Variants in MYO1D observed in about 807,000 individuals in gnomAD.
MYO1D encodes the protein myosin ID.
MYO1D carries 83 observed loss-of-function variants against 122.0 expected under a neutral mutation model. The observed-to-expected ratio is 0.68, with a 90% CI of 0.57 to 0.82. MYO1D has a LOEUF of 0.82. Among genes scored for constraint, MYO1D ranks in the 40% least tolerant of loss-of-function variants. The pLI, the probability that MYO1D is intolerant of heterozygous loss-of-function variation, is 0.00. For synonymous variants in MYO1D, 464 were observed against 446.9 expected (o/e 1.04, Z -0.48); for missense variants, 1,157 against 1,269.5 (o/e 0.91, Z 1.35).
chr17:32,716,397 G>C (rs2089446228), intron 15 of MYO1D, among the ~76,000 whole-genome samples: 1 of 152,066 alleles, frequency 6.6e-6, no homozygotes, highest in Non-Finnish European at 1.5e-5. Flanking sequence ...TCCCTCCCTA[G>C]TCTGTGGCTA....
At chr17:32,547,104 C>G (rs1210883094) in intron 21 of MYO1D, among the ~76,000 whole-genome samples, 1 of 151,492 alleles carries the variant, frequency 6.6e-6, no homozygotes, top group Non-Finnish European at 1.5e-5. Context: ...CAGCATCTTA[C>G]TATGTTTCCC....
rs576835951 is a variant in MYO1D at position 32,808,069 on chromosome 17, C to A, written c.96-27285G>T. On this transcript the variant is annotated intron_variant, in intron 1 of 21. Transcript: ENST00000318217. ...ATTTTCCTAACCCAAACAAGCATTT[C>A]TGTGGGGGAAAATTTCTTCAAGTGA... 2.0e-5 allele frequency among the ~76,000 whole-genome samples: 3 copies of A among 152,218 alleles called. No individual in the cohort carries two copies. The East Asian group carries it at 5.8e-4, about 29-fold the overall frequency.
intron 7 of MYO1D, among the ~76,000 whole-genome samples, chr17:32,765,704 CA>C: frequency 6.6e-6 from 1 of 152,170 alleles, no homozygotes; most frequent in Non-Finnish European, 1.5e-5. Context: ...ATGATCCACC[CA>C]CCTCGGCCTC....
At chr17:32,597,871 A>AG (rs2087515410) in intron 21 of MYO1D, among the ~76,000 whole-genome samples, 1 of 143,436 alleles carries the variant, frequency 7.0e-6, no homozygotes, top group African/African-American at 2.6e-5. Context: ...CCTGTCTCAA[A>AG]AAAAAAAAAA....
chr17:32,809,127 TTTTTGATAAAAAAAAA>T (rs2090546564), intron 1 of MYO1D, among the ~76,000 whole-genome samples: 1 of 132,274 alleles, frequency 7.6e-6, no homozygotes, highest in South Asian at 2.6e-4. Context: ...TTCATTTTTG[TTTTTGATAAAAAAAAA>T]AAAAAAAACT....
chr17:32,553,061 A>G (rs1256068352), intron 21 of MYO1D, among the ~76,000 whole-genome samples: 4 of 140,808 alleles, frequency 2.8e-5, no homozygotes, highest in African/African-American at 1.0e-4. Context: ...ATATAGTGAG[A>G]TGCCATTCTC....
At chr17:32,717,296 T>C (rs73280082) in intron 15 of MYO1D, among the ~76,000 whole-genome samples, 2,935 of 152,334 alleles carry the variant, frequency 0.019, 77 homozygotes, top group African/African-American at 0.066. Flanking sequence ...CGGTCTATAA[T>C]ATCCTTTCCA....
At chr17:32,850,854 C>CT (rs1285750527) in intron 1 of MYO1D, among the ~76,000 whole-genome samples, 2 of 152,080 alleles carry the variant, frequency 1.3e-5, no homozygotes, top group African/African-American at 4.8e-5. Flanking sequence ...ATCTCTGTCT[C>CT]TTTTTTCTCA....
At chr17:32,760,776 T>A in intron 8 of MYO1D, 149 bp from the exon 9 acceptor site, 1 of 807,624 alleles carries the variant, frequency 1.2e-6, no homozygotes, top group Non-Finnish European at 1.8e-6. Context: ...ATGTAGACTG[T>A]CCATTTAAAA....
intron 21 of MYO1D, among the ~76,000 whole-genome samples, chr17:32,526,957 A>G (rs1301456091): frequency 1.3e-5 from 2 of 152,214 alleles, no homozygotes; most frequent in African/African-American, 4.8e-5. Flanking sequence ...GTTACATAAA[A>G]TCTCCACTAA....
intron 14 of MYO1D, chr17:32,734,585 A>G (rs944853059): frequency 1.3e-5 from 2 of 152,210 alleles, no homozygotes; most frequent in African/African-American, 2.4e-5. Flanking sequence ...GCAGTATTCT[A>G]TAAATTCTGA....
intron 19 of MYO1D, among the ~76,000 whole-genome samples, chr17:32,644,760 T>A (rs929320147): frequency 2.6e-5 from 4 of 152,198 alleles, no homozygotes; most frequent in Non-Finnish European, 5.9e-5. Flanking sequence ...TGTTTTCTAT[T>A]AGATTGGTAG....
intron 11 of MYO1D, among the ~76,000 whole-genome samples, chr17:32,750,626 T>G (rs1279389700): frequency 6.6e-6 from 1 of 151,930 alleles, no homozygotes; most frequent in East Asian, 1.9e-4. Flanking sequence ...AATAAATAAA[T>G]AAATAAATAA....
chr17:32,570,343 G>A (rs886772434), intron 21 of MYO1D, among the ~76,000 whole-genome samples: 3 of 151,934 alleles, frequency 2.0e-5, no homozygotes, highest in African/African-American at 7.3e-5. Context: ...CTCATGCATG[G>A]TAAGCCAAGG....
chr17:32,498,078 A>C (rs371759032), intron 21 of MYO1D: 4 of 152,480 alleles, frequency 2.6e-5, no homozygotes, highest in East Asian at 1.9e-4. Context: ...GAGGAGCCCC[A>C]GCACCGCAGG....
chr17:32,618,181 T>A (rs752573845), intron 20 of MYO1D, among the ~76,000 whole-genome samples: 5 of 152,204 alleles, frequency 3.3e-5, no homozygotes, highest in Non-Finnish European at 7.3e-5. Flanking sequence ...TGAGCAGTAA[T>A]GAAAAACTGT....
intron 21 of MYO1D, among the ~76,000 whole-genome samples, chr17:32,543,587 T>C (rs77728183): frequency 0.33 from 49,509 of 150,158 alleles, 8,499 homozygotes; most frequent in African/African-American, 0.4. Context: ...AACAAACAAA[T>C]AAATAAATAA....
intron 1 of MYO1D, among the ~76,000 whole-genome samples, chr17:32,820,299 G>T (rs948114567): frequency 6.6e-6 from 1 of 152,126 alleles, no homozygotes; most frequent in Non-Finnish European, 1.5e-5. Context: ...TCACCATCTT[G>T]AAGACAGATC....
intron 1 of MYO1D, among the ~76,000 whole-genome samples, chr17:32,843,051 A>G (rs7212504): frequency 0.52 from 79,100 of 151,642 alleles, 21,250 homozygotes; most frequent in East Asian, 0.73. Flanking sequence ...ACCATGGGCC[A>G]GCTAATTTTT....
Sources: gnomAD v4.1 joint callset for allele counts (sites outside exome capture counted in the v4.1 genomes callset) on GRCh38, gnomAD v4.1.1 for gene constraint, MANE v1.5 for transcripts, NCBI Gene and HGNC (gene_info 2026-07-23, HGNC 2026-07-21) for gene names.